The following PPM1L variants were observed in gnomAD, a reference collection of about 807,000 sequenced individuals.
The protein encoded by PPM1L is protein phosphatase 1L.
A neutral mutation model predicts 31.4 loss-of-function variants in PPM1L; 13 were observed. The ratio of observed to expected loss-of-function variants is 0.41; its 90% CI spans 0.27 to 0.66. The LOEUF is 0.66. Among genes scored for constraint, PPM1L ranks in the 30% least tolerant of loss-of-function variants. The probability of loss-of-function intolerance (pLI) is 0.29; values close to 1 mark genes in which losing one functional copy is unlikely to be tolerated. For synonymous variants in PPM1L, 184 were observed against 175.4 expected (o/e 1.05, Z -0.39); for missense variants, 326 against 453.7 (o/e 0.72, Z 2.56).
chr3:160,957,826 T>C (rs1306476081), intron 1 of PPM1L, among the ~76,000 whole-genome samples: 1 of 152,172 alleles, frequency 6.6e-6, no homozygotes, highest in African/African-American at 2.4e-5. Flanking sequence ...TCCGCCCGCC[T>C]CAGCCTCCTA....
chr3:161,057,531 C>G (rs148411891), intron 2 of PPM1L, among the ~76,000 whole-genome samples: 74 of 152,158 alleles, frequency 4.9e-4, no homozygotes, highest in African/African-American at 1.6e-3. Flanking sequence ...TAATAGAAAG[C>G]CCGGGAGCAC....
intron 2 of PPM1L, among the ~76,000 whole-genome samples, chr3:161,027,575 T>C (rs1311112377): frequency 6.6e-6 from 1 of 152,142 alleles, no homozygotes; most frequent in African/African-American, 2.4e-5. Context: ...ACTTATTCAC[T>C]GTCACAAGAA....
chr3:160,868,565 T>G (rs1038364082), intron 1 of PPM1L, among the ~76,000 whole-genome samples: 1 of 152,228 alleles, frequency 6.6e-6, no homozygotes, highest in Non-Finnish European at 1.5e-5. Flanking sequence ...TTGCATGTAT[T>G]TCAATAAAAG....
At chr3:160,955,255 C>T (rs1385067225) in intron 1 of PPM1L, among the ~76,000 whole-genome samples, 1 of 152,026 alleles carries the variant, frequency 6.6e-6, no homozygotes, top group Admixed American at 6.6e-5. Context: ...GTGATTACTG[C>T]CTGCCTCGGC....
intron 1 of PPM1L, among the ~76,000 whole-genome samples, chr3:160,786,179 G>GTATATA (rs2108069988): frequency 7.0e-5 from 5 of 70,938 alleles, no homozygotes; most frequent in African/African-American, 3.1e-4. Flanking sequence ...GTGTGTGTGT[G>GTATATA]TGTGTGTGTA....
At chr3:160,843,468 A>ATATATAT (rs1441660092) in intron 1 of PPM1L, among the ~76,000 whole-genome samples, 2 of 106,882 alleles carry the variant, frequency 1.9e-5, no homozygotes, top group Non-Finnish European at 3.9e-5. Flanking sequence ...ATATATATAT[A>ATATATAT]TGTTTTTTTT....
chr3:160,786,149 C>CTGTG (rs1560106662), intron 1 of PPM1L, among the ~76,000 whole-genome samples: 6 of 89,048 alleles, frequency 6.7e-5, no homozygotes, highest in Admixed American at 1.2e-4. Flanking sequence ...CTCTCTCTCT[C>CTGTG]TCTCTCTCTG....
At chr3:160,944,865 A>AATATGTTATATATTATAT (rs376336061) in intron 1 of PPM1L, among the ~76,000 whole-genome samples, 1 of 40,984 alleles carries the variant, frequency 2.4e-5, no homozygotes, top group Admixed American at 3.0e-4. Flanking sequence ...TATTATATAT[A>AATATGTTATATATTATAT]ATGTTATATA....
At chr3:160,886,065 A>G (rs1712906439) in intron 1 of PPM1L, among the ~76,000 whole-genome samples, 1 of 152,242 alleles carries the variant, frequency 6.6e-6, no homozygotes, top group Non-Finnish European at 1.5e-5. Flanking sequence ...TGTCCCCCAC[A>G]GGCCAACACA....
At chr3:160,777,655 C>T (rs890577959) in intron 1 of PPM1L, among the ~76,000 whole-genome samples, 1 of 152,070 alleles carries the variant, frequency 6.6e-6, no homozygotes, top group African/African-American at 2.4e-5. Flanking sequence ...GGTATAATGT[C>T]CTAAAGATTC....
chr3:160,762,566 A>T (rs78642922), intron 1 of PPM1L, among the ~76,000 whole-genome samples: 2,605 of 151,876 alleles, frequency 0.017, 60 homozygotes, highest in African/African-American at 0.057. Flanking sequence ...AGCTTTTTTT[A>T]AAAAAAATAG....
intron 2 of PPM1L, among the ~76,000 whole-genome samples, chr3:161,017,566 CA>C (rs1718121509): frequency 6.6e-6 from 1 of 152,102 alleles, no homozygotes; most frequent in Admixed American, 6.6e-5. Flanking sequence ...AGTAAGTGCC[CA>C]TTATGCCTAT....
At chr3:161,040,255 T>A (rs1231791529) in intron 2 of PPM1L, among the ~76,000 whole-genome samples, 2 of 152,218 alleles carry the variant, frequency 1.3e-5, no homozygotes, top group African/African-American at 2.4e-5. Flanking sequence ...AGCATTTTTT[T>A]AATTGAAATT....
intron 2 of PPM1L, among the ~76,000 whole-genome samples, chr3:161,010,372 C>T (rs1419529438): frequency 6.6e-6 from 1 of 152,110 alleles, no homozygotes; most frequent in East Asian, 1.9e-4. Flanking sequence ...TTTATGGCTG[C>T]ATAGTATTCC....
intron 1 of PPM1L, among the ~76,000 whole-genome samples, chr3:160,947,852 A>C (rs1049175353): frequency 1.3e-5 from 2 of 152,226 alleles, no homozygotes; most frequent in Non-Finnish European, 2.9e-5. Flanking sequence ...CTCTTTAGAC[A>C]CTAGGAAACA....
chr3:161,062,955 C>T (rs530245058), intron 2 of PPM1L, among the ~76,000 whole-genome samples: 3 of 152,024 alleles, frequency 2.0e-5, no homozygotes, highest in Non-Finnish European at 4.4e-5. Flanking sequence ...AAGCCAAGGT[C>T]GGCGACATGC....
intron 1 of PPM1L, among the ~76,000 whole-genome samples, chr3:160,956,238 G>T (rs779214482): frequency 1.1e-4 from 17 of 152,076 alleles, no homozygotes; most frequent in African/African-American, 1.4e-4. Flanking sequence ...GCTAGAATGG[G>T]TAATATAAAT....
chr3:161,048,315 A>G (rs1719148977), intron 2 of PPM1L, among the ~76,000 whole-genome samples: 1 of 152,262 alleles, frequency 6.6e-6, no homozygotes, highest in Non-Finnish European at 1.5e-5. Context: ...TGCAGTCAAC[A>G]GACACATGAT....
intron 1 of PPM1L, among the ~76,000 whole-genome samples, chr3:160,871,172 C>A (rs1712288660): frequency 6.6e-6 from 1 of 152,144 alleles, no homozygotes. Flanking sequence ...CTGTTGTACT[C>A]CAAACTATTT....
Sources: allele counts gnomAD v4.1 joint callset (sites outside exome capture counted in the v4.1 genomes callset), GRCh38; gene constraint gnomAD v4.1.1; transcripts MANE v1.5; gene names NCBI Gene and HGNC (gene_info 2026-07-23, HGNC 2026-07-21).